Variants in SPATS2L observed in about 807,000 individuals in gnomAD.
SPATS2L encodes the protein SPATS2-like protein.
SPATS2L carries 30 observed loss-of-function variants against 59.6 expected under a neutral mutation model. That is an observed-to-expected ratio of 0.50 (90% CI 0.38 to 0.68). The LOEUF (loss-of-function observed/expected upper bound fraction) is 0.68. SPATS2L is among the 30% of genes least tolerant of loss of function. The pLI is 0.00. For synonymous variants in SPATS2L, 252 were observed against 263.5 expected (o/e 0.96, Z 0.42); for missense variants, 615 against 700.0 (o/e 0.88, Z 1.37).
chr2:200,431,137 G>T (rs1056946508), intron 6 of SPATS2L, among the ~76,000 whole-genome samples: 16 of 152,272 alleles, frequency 1.1e-4, no homozygotes, highest in South Asian at 6.2e-4. Flanking sequence ...TGGGTTCAAA[G>T]GGTATGAATA....
intron 2 of SPATS2L, among the ~76,000 whole-genome samples, chr2:200,381,352 C>T (rs1300472668): frequency 6.6e-6 from 1 of 152,132 alleles, no homozygotes; most frequent in Admixed American, 6.5e-5. Context: ...ACCTGTAGTA[C>T]CTGAGAGCCA....
intron 8 of SPATS2L, among the ~76,000 whole-genome samples, chr2:200,442,366 C>G (rs1673139883): frequency 6.6e-6 from 1 of 152,180 alleles, no homozygotes; most frequent in South Asian, 2.1e-4. Context: ...ATGGGGCCAA[C>G]TAGTAACTAT....
intron 2 of SPATS2L, among the ~76,000 whole-genome samples, chr2:200,340,085 G>A (rs556732309): frequency 1.6e-4 from 24 of 152,068 alleles, no homozygotes; most frequent in Non-Finnish European, 3.2e-4. Flanking sequence ...CTCGACCCAC[G>A]TCACATCTGC....
chr2:200,451,298 A>G (rs1190227312), intron 8 of SPATS2L, among the ~76,000 whole-genome samples: 2 of 151,940 alleles, frequency 1.3e-5, no homozygotes, highest in Non-Finnish European at 2.9e-5. Flanking sequence ...CTGCACCCCA[A>G]CCTGGGCAAC....
intron 8 of SPATS2L, among the ~76,000 whole-genome samples, chr2:200,453,674 G>A (rs531397401): frequency 3.3e-5 from 5 of 152,204 alleles, no homozygotes; most frequent in African/African-American, 1.2e-4. Context: ...GCACTACTAG[G>A]CTATCAGCCC....
intron 1 of SPATS2L, among the ~76,000 whole-genome samples, chr2:200,328,759 T>G (rs943892729): frequency 1.1e-4 from 17 of 152,198 alleles, no homozygotes; most frequent in Admixed American, 2.0e-4. Flanking sequence ...GAGTGAGTGA[T>G]TGATTGGTTG....
At chr2:200,328,917 T>C (rs1478117505) in intron 1 of SPATS2L, among the ~76,000 whole-genome samples, 2 of 152,160 alleles carry the variant, frequency 1.3e-5, no homozygotes, top group East Asian at 3.8e-4. Context: ...GGACAAGATA[T>C]TTTGGTGAAT....
At position 200,478,712 on chromosome 2, in the gene SPATS2L, A is replaced by G. The variant is rs917788580; in HGVS notation, c.*681A>G. ...TATGCCCTTTCAATTAGATTACACA[A>G]ATAGATGGATATGCACCCTGATCAT... On this transcript the variant is annotated 3_prime_UTR_variant, in exon 13 of 13. Coordinates refer to ENST00000409140, the MANE Select transcript of SPATS2L (RefSeq NM_001100423.2). The G allele has an allele frequency of 1.8e-4, 28 of 152,610 alleles. No homozygotes were observed. Among genetic ancestry groups the G allele is most frequent in the African/African-American group, 6.3e-4 (26 of 41,566 alleles). The allele number at this position is 152,610 out of a possible 1,614,324, so 9.5% of individuals were successfully genotyped here.
intron 8 of SPATS2L, among the ~76,000 whole-genome samples, chr2:200,455,304 C>T (rs932215134): frequency 1.3e-5 from 2 of 152,088 alleles, no homozygotes; most frequent in South Asian, 2.1e-4. Flanking sequence ...AAGGAAGTGA[C>T]GATTAAGCAA....
At chr2:200,352,553 G>A (rs1008723195) in intron 2 of SPATS2L, among the ~76,000 whole-genome samples, 11 of 151,636 alleles carry the variant, frequency 7.3e-5, no homozygotes, top group Non-Finnish European at 1.3e-4. Context: ...CTCTAGAATA[G>A]CTGGATTTAA....
intron 1 of SPATS2L, among the ~76,000 whole-genome samples, chr2:200,312,580 A>G (rs1055681093): frequency 1.9e-4 from 29 of 151,900 alleles, no homozygotes; most frequent in African/African-American, 6.5e-4. Flanking sequence ...ATTTAATTAT[A>G]TACATTCTCT....
chr2:200,334,353 GTTGT>G (rs1307657832), intron 2 of SPATS2L, among the ~76,000 whole-genome samples: 8 of 152,252 alleles, frequency 5.3e-5, no homozygotes, highest in Admixed American at 3.3e-4. Context: ...TTTTGATGGG[GTTGT>G]TTGTTTTTTT....
intron 9 of SPATS2L, among the ~76,000 whole-genome samples, chr2:200,463,653 A>G (rs2086394597): frequency 6.6e-6 from 1 of 152,240 alleles, no homozygotes; most frequent in South Asian, 2.1e-4. Context: ...TTGTAGTGCT[A>G]GGGTCTCAAA....
intron 2 of SPATS2L, among the ~76,000 whole-genome samples, chr2:200,356,168 T>C (rs947770660): frequency 1.3e-5 from 2 of 152,192 alleles, no homozygotes; most frequent in Non-Finnish European, 2.9e-5. Context: ...CTATAAAGTG[T>C]ATTGGAATTT....
In SPATS2L at chr2:200,308,270, C is replaced by CAATA. The variant is rs531396985; in HGVS notation, c.-73+1349_-73+1352dup. 1.1e-4 allele frequency among the ~76,000 whole-genome samples: 17 copies of CAATA among 151,178 alleles called. 1 individual carries two copies. The South Asian group carries it at 3.6e-3, about 32-fold the overall frequency. The stretch of plus-strand genomic sequence containing the variant: ...AAAAAAAGACTTCAAATAATACAAC[C>CAATA]AATACCCTGAAAATAGAGTGGCCGT... On this transcript the variant is annotated intron_variant, in intron 1 of 12. Transcript: ENST00000409140.
intron 1 of SPATS2L, among the ~76,000 whole-genome samples, chr2:200,307,651 C>G (rs1360228331): frequency 6.6e-6 from 1 of 152,212 alleles, no homozygotes. Context: ...GCGCTGGACG[C>G]CGGCGCACTC....
intron 2 of SPATS2L, among the ~76,000 whole-genome samples, chr2:200,371,133 T>A (rs1163632815): frequency 1.1e-4 from 16 of 152,176 alleles, no homozygotes; most frequent in Non-Finnish European, 1.0e-4. Flanking sequence ...TTAGGCTGCA[T>A]TTAAAAATGA....
At chr2:200,417,041 G>A (rs927779082) in intron 5 of SPATS2L, among the ~76,000 whole-genome samples, 1 of 152,164 alleles carries the variant, frequency 6.6e-6, no homozygotes, top group Non-Finnish European at 1.5e-5. Context: ...GTCACAAAGG[G>A]CCTGGGATTT....
chr2:200,473,906 A>C (rs1350690204), intron 12 of SPATS2L, among the ~76,000 whole-genome samples: 1 of 152,112 alleles, frequency 6.6e-6, no homozygotes, highest in Admixed American at 6.5e-5. Context: ...AGGCTGAGGC[A>C]GGAGAATTGC....
Sources: allele counts gnomAD v4.1 joint callset (sites outside exome capture counted in the v4.1 genomes callset), GRCh38; gene constraint gnomAD v4.1.1; transcripts MANE v1.5; gene names NCBI Gene and HGNC (gene_info 2026-07-23, HGNC 2026-07-21).